CLDN16: variants seen among roughly 807,000 people sequenced by gnomAD.
The protein encoded by CLDN16 is claudin 16, also known as claudin-16.
CLDN16 carries 13 observed loss-of-function variants against 24.6 expected under a neutral mutation model. The ratio of observed to expected loss-of-function variants is 0.53; its 90% CI spans 0.34 to 0.84. CLDN16 has a LOEUF of 0.84. CLDN16 is among the 40% of genes least tolerant of loss of function. The probability of loss-of-function intolerance (pLI) is 0.01; values close to 1 mark genes in which losing one functional copy is unlikely to be tolerated. For missense variants in CLDN16, 298 were observed against 292.7 expected (o/e 1.02, Z -0.13); for synonymous variants, 116 against 106.7 (o/e 1.09, Z -0.54).
At chr3:190,312,866 T>C in the CLDN16 span, 109 of 1,613,952 alleles carry the variant, frequency 6.8e-5, no homozygotes, top group Middle Eastern at 6.6e-4. Flanking sequence ...GCACAGCCTC[T>C]ATTACCTGCA....
upstream of CLDN16, among the ~76,000 whole-genome samples, chr3:190,317,783 T>G (rs79256024): frequency 2.4e-3 from 372 of 152,312 alleles, 12 homozygotes; most frequent in East Asian, 0.06. Flanking sequence ...CATGCAGGCT[T>G]TGGACTCTCA....
chr3:190,407,387 CATACATTTACAAGT>C (rs1173426064), intron 3 of CLDN16, among the ~76,000 whole-genome samples: 1 of 152,046 alleles, frequency 6.6e-6, no homozygotes, highest in Non-Finnish European at 1.5e-5. Context: ...TATCAGTAAG[CATACATTTACAAGT>C]AAATAACTGA....
chr3:190,303,803 A>C, the CLDN16 span, among the ~76,000 whole-genome samples: 1,455 of 152,318 alleles, frequency 9.6e-3, 34 homozygotes, highest in South Asian at 0.081. Context: ...ATAATAGAGA[A>C]AGGCAAGAAA....
chr3:190,322,059 G>A, upstream of CLDN16: 1 of 1,614,204 alleles, frequency 6.2e-7, no homozygotes, highest in Non-Finnish European at 8.5e-7. Context: ...GACATCCACA[G>A]CCCCTCGTAC....
At chr3:190,401,484 T>C in intron 1 of CLDN16, among the ~76,000 whole-genome samples, 1 of 152,246 alleles carries the variant, frequency 6.6e-6, no homozygotes. Flanking sequence ...TTAGCTCTGT[T>C]CCATATGCGT....
intron 1 of CLDN16, among the ~76,000 whole-genome samples, chr3:190,353,178 A>T (rs1717703783): frequency 6.6e-6 from 1 of 152,110 alleles, no homozygotes; most frequent in African/African-American, 2.4e-5. Flanking sequence ...GTAAGTTGCT[A>T]ATTATTATAT....
At chr3:190,318,178 G>T (rs1716819940), upstream of CLDN16, among the ~76,000 whole-genome samples, 1 of 152,180 alleles carries the variant, frequency 6.6e-6, no homozygotes, top group African/African-American at 2.4e-5. Flanking sequence ...GCAAAATCAG[G>T]AGTGAAAATG....
chr3:190,351,602 A>T (rs1717673358), intron 1 of CLDN16, among the ~76,000 whole-genome samples: 1 of 152,176 alleles, frequency 6.6e-6, no homozygotes, highest in African/African-American at 2.4e-5. Context: ...AGAACATTTT[A>T]TTATTGTTGT....
chr3:190,369,506 T>A (rs1718089953), intron 1 of CLDN16, among the ~76,000 whole-genome samples: 1 of 151,902 alleles, frequency 6.6e-6, no homozygotes, highest in Non-Finnish European at 1.5e-5. Context: ...AAAATCTAGA[T>A]AAGCAAACCA....
intron 3 of CLDN16, 26 bp downstream of exon 3, chr3:190,404,952 A>G (rs1168912324): frequency 6.2e-7 from 1 of 1,611,548 alleles, no homozygotes; most frequent in African/African-American, 1.3e-5. Flanking sequence ...GACTAGCAAC[A>G]GGGGTAGGGA....
In CLDN16 at chr3:190,350,373, T is replaced by C. The variant is rs542146871; in HGVS notation, n.122-20520T>C. 1.8e-3 allele frequency among the ~76,000 whole-genome samples: 278 copies of C among 150,344 alleles called. 2 individuals are homozygous for C. The highest frequency in any genetic ancestry group is 7.0e-3 in the Middle Eastern group (2 of 286). ...ATATATATATATATATATACTTTAT[T>C]ATAGATGTTGGATTGTATTGTTACT... is the stretch of plus-strand genomic sequence containing the variant. On this transcript the variant is annotated intron_variant and non_coding_transcript_variant, in intron 1 of 4. Coordinates refer to the CLDN16 transcript ENST00000468220.
At chr3:190,383,815 C>T (rs1278348613), upstream of CLDN16, among the ~76,000 whole-genome samples, 1 of 152,112 alleles carries the variant, frequency 6.6e-6, no homozygotes, top group African/African-American at 2.4e-5. Flanking sequence ...TGTGTGTACA[C>T]ACAAACATAC....
chr3:190,379,636 T>C (rs1470083004), intron 3 of CLDN16, among the ~76,000 whole-genome samples: 1 of 152,090 alleles, frequency 6.6e-6, no homozygotes, highest in Non-Finnish European at 1.5e-5. Flanking sequence ...TCACTGTACT[T>C]GGTATTGCTG....
the CLDN16 span, among the ~76,000 whole-genome samples, chr3:190,315,219 A>T: frequency 6.6e-6 from 1 of 152,142 alleles, no homozygotes; most frequent in Non-Finnish European, 1.5e-5. Flanking sequence ...TGAAGAGGAG[A>T]TGCTGAAAGT....
chr3:190,313,866 CTA>C, the CLDN16 span, among the ~76,000 whole-genome samples: 1 of 152,136 alleles, frequency 6.6e-6, no homozygotes, highest in Non-Finnish European at 1.5e-5. Context: ...GACATTATCA[CTA>C]TGTTTCTTAA....
the CLDN16 span, among the ~76,000 whole-genome samples, chr3:190,297,227 C>T: frequency 6.6e-6 from 1 of 151,722 alleles, no homozygotes; most frequent in Non-Finnish European, 1.5e-5. Flanking sequence ...ACTCATTTTT[C>T]AGTTTATTCT....
chr3:190,391,783 G>C (rs1197979708), intron 1 of CLDN16, among the ~76,000 whole-genome samples: 1 of 152,084 alleles, frequency 6.6e-6, no homozygotes, highest in Non-Finnish European at 1.5e-5. Context: ...AAAAATGCTA[G>C]GAAAGAAAAT....
chr3:190,375,247 A>G (rs1242551254), intron 3 of CLDN16, among the ~76,000 whole-genome samples: 1 of 151,954 alleles, frequency 6.6e-6, no homozygotes, highest in African/African-American at 2.4e-5. Flanking sequence ...TAACTTACTG[A>G]CAGCATTTTT....
At chr3:190,375,884 CA>C (rs11358264) in intron 3 of CLDN16, among the ~76,000 whole-genome samples, 84,748 of 151,392 alleles carry the variant, frequency 0.56, 24,048 homozygotes, top group African/African-American at 0.64. Flanking sequence ...CCTCCCCCCA[CA>C]AAAAAACACC....
Sources: gnomAD v4.1 joint callset for allele counts (sites outside exome capture counted in the v4.1 genomes callset) on GRCh38, gnomAD v4.1.1 for gene constraint, MANE v1.5 for transcripts, NCBI Gene and HGNC (gene_info 2026-07-23, HGNC 2026-07-21) for gene names.